DST: variants seen among roughly 807,000 people sequenced by gnomAD.
DST encodes dystonin.
DST carries 253 observed loss-of-function variants against 875.2 expected under a neutral mutation model. The observed-to-expected ratio is 0.29, with a 90% confidence interval of 0.26 to 0.32. The LOEUF is 0.32. Ranked by LOEUF, DST falls within the 10% of genes least tolerant of loss-of-function variation. The probability of loss-of-function intolerance (pLI) is 1.00; values close to 1 mark genes in which losing one functional copy is unlikely to be tolerated. For synonymous variants in DST, 3,124 were observed against 3,197.1 expected, an observed-to-expected ratio of 0.98 and a Z score of 0.77; for missense variants, 8,287 against 9,111.6, an observed-to-expected ratio of 0.91 and a Z score of 3.68.
chr6:56,929,596 AT>A (rs201256943), intron 2 of DST, among the ~76,000 whole-genome samples: 1,783 of 152,268 alleles, frequency 0.012, 34 homozygotes, highest in East Asian at 0.039. Context: ...AAAAACAAGA[AT>A]GAGATAAAGA....
chr6:56,566,894 G>T lies in DST; in HGVS notation c.14005+1575C>A, dbSNP rs978985261. On this transcript the variant is annotated intron_variant, in intron 55 of 103. Transcript: ENST00000680361. ...TTGAAAGTGAAAAAGAAAATAAATC[G>T]ATTATTAAACTCATATTACGTCAAC... 1.3e-4 allele frequency among the ~76,000 whole-genome samples: 20 copies of T among 152,062 alleles called. 1 individual carries two copies. The highest frequency in any genetic ancestry group is 8.8e-5 in the Non-Finnish European group (6 of 68,012).
chr6:56,576,325 G>A (rs1157332242), intron 50 of DST, among the ~76,000 whole-genome samples: 1 of 152,124 alleles, frequency 6.6e-6, no homozygotes, highest in Non-Finnish European at 1.5e-5. Flanking sequence ...TCTGAGTTCT[G>A]TGAGTCACTC....
In DST at chr6:56,459,108, G is replaced by T. The variant is rs780600756; in HGVS notation, c.23354C>A (p.Thr7785Lys). ...GGATGGCCGAGAACCTGCTCGGGGT[G>T]TAGGTCTGTGTGTCTGGGGGACAGT... The part of the protein sequence containing the change: ...VETVPQTHRP[T>K]PRAGSRPSTA... The change falls in exon 104 of 104, where the codon ACA becomes AAA. Residue 7785 changes from threonine to lysine, a missense_variant. Transcript: ENST00000680361. The T allele has an allele frequency of 3.1e-6, 5 of 1,614,030 alleles. No homozygotes were observed. The highest frequency in any genetic ancestry group is 4.2e-6 in the Non-Finnish European group (5 of 1,179,900).
intron 49 of DST, among the ~76,000 whole-genome samples, chr6:56,591,900 T>C (rs566396931): frequency 1.1e-3 from 151 of 143,224 alleles, no homozygotes; most frequent in Admixed American, 2.4e-3. Context: ...GAGAATCACT[T>C]GAACCCAGGA....
At chr6:56,756,116 G>A (rs1330538142) in intron 4 of DST, among the ~76,000 whole-genome samples, 2 of 152,208 alleles carry the variant, frequency 1.3e-5, no homozygotes, top group African/African-American at 4.8e-5. Flanking sequence ...AGGAGGAGGT[G>A]CATTCAGTGA....
intron 68 of DST, 72 bp downstream of exon 68, chr6:56,527,421 A>G (rs2096823157): frequency 1.3e-6 from 2 of 1,515,312 alleles, no homozygotes; most frequent in South Asian, 1.3e-5. Flanking sequence ...GACAAATATA[A>G]TTTTATTTTT....
intron 4 of DST, among the ~76,000 whole-genome samples, chr6:56,836,712 G>C (rs1318885080): frequency 1.3e-5 from 2 of 151,342 alleles, no homozygotes; most frequent in Non-Finnish European, 3.0e-5. Flanking sequence ...TTAGCCGGGC[G>C]TGATGGCGGG....
At chr6:56,545,015 C>T (rs532604905) in intron 61 of DST, among the ~76,000 whole-genome samples, 1 of 152,136 alleles carries the variant, frequency 6.6e-6, no homozygotes, top group Admixed American at 6.5e-5. Flanking sequence ...AGATCCATCA[C>T]ATTTTCTTTT....
At chr6:56,699,864 C>A in intron 8 of DST, 119 bp from the exon 9 acceptor site, 1 of 533,852 alleles carries the variant, frequency 1.9e-6, no homozygotes, top group Non-Finnish European at 3.2e-6. Context: ...AATTTAAACA[C>A]CAGTAGTCAA....
intron 4 of DST, among the ~76,000 whole-genome samples, chr6:56,737,835 T>G (rs2099531257): frequency 6.6e-6 from 1 of 152,340 alleles, no homozygotes; most frequent in Middle Eastern, 3.4e-3. Context: ...ATTCTGAAGT[T>G]ATAATCATAT....
intron 9 of DST, among the ~76,000 whole-genome samples, chr6:56,694,997 C>A (rs780531764): frequency 6.6e-6 from 1 of 151,844 alleles, no homozygotes; most frequent in Non-Finnish European, 1.5e-5. Flanking sequence ...TGTGGTGATG[C>A]GTGCCCATAA....
intron 4 of DST, among the ~76,000 whole-genome samples, chr6:56,808,197 C>T (rs1391879362): frequency 6.6e-6 from 1 of 152,006 alleles, no homozygotes; most frequent in Non-Finnish European, 1.5e-5. Context: ...CTACCCAAGC[C>T]CTAACAAAGT....
At chr6:56,757,550 T>G (rs573213967) in intron 4 of DST, among the ~76,000 whole-genome samples, 1 of 152,174 alleles carries the variant, frequency 6.6e-6, no homozygotes, top group African/African-American at 2.4e-5. Context: ...TGGGGACACA[T>G]GGTAGCCTGG....
At chr6:56,849,278 A>G (rs1763755170) in intron 4 of DST, among the ~76,000 whole-genome samples, 1 of 151,698 alleles carries the variant, frequency 6.6e-6, no homozygotes, top group African/African-American at 2.4e-5. Context: ...CTGGGACTAC[A>G]GGCACACGCC....
chr6:56,939,763 G>A lies in DST; in HGVS notation c.216+14022C>T, dbSNP rs550456321. Among the ~76,000 whole-genome samples the A allele has an allele frequency of 4.6e-5, 7 of 152,020 alleles. No homozygotes were observed. In the East Asian group the frequency reaches 1.2e-3, roughly 25 times the overall value. On this transcript the variant is annotated intron_variant, in intron 2 of 103. Transcript: ENST00000680361. ...TAAGCAGCCGGGCGTGGTGGCTCAC[G>A]CCTGTAATCCCAGCACTTTGGGAGG...
intron 4 of DST, among the ~76,000 whole-genome samples, chr6:56,800,122 G>A (rs1042082734): frequency 3.9e-5 from 6 of 152,092 alleles, no homozygotes; most frequent in African/African-American, 1.4e-4. Context: ...TCCAAGATAT[G>A]CCTGTAACCA....
At chr6:56,519,017 C>A (rs903868489) in intron 69 of DST, among the ~76,000 whole-genome samples, 1 of 152,082 alleles carries the variant, frequency 6.6e-6, no homozygotes, top group African/African-American at 2.4e-5. Context: ...CTACAAATCC[C>A]AGGCATTATA....
At chr6:56,887,299 T>C (rs1785086955) in intron 3 of DST, among the ~76,000 whole-genome samples, 1 of 152,184 alleles carries the variant, frequency 6.6e-6, no homozygotes. Flanking sequence ...CTTCATCCTC[T>C]CCACAGAGGA....
chr6:56,658,532 C>T lies in DST; in HGVS notation c.1215-7288G>A, dbSNP rs192989976. Among the ~76,000 whole-genome samples, 182 of 152,232 alleles carry T rather than the reference C, an allele frequency of 1.2e-3. 2 individuals carry two copies. The highest frequency in any genetic ancestry group is 1.5e-3 in the Non-Finnish European group (101 of 68,018). On this transcript the variant is annotated intron_variant, in intron 10 of 103. Transcript: ENST00000680361. Reference sequence around the variant, plus strand: ...TTTACCCAAGATCTCAAGAGATTTACGTGAAAGTAGTTGTGAAACTTAGTA... The same window carrying T: ...TTTACCCAAGATCTCAAGAGATTTATGTGAAAGTAGTTGTGAAACTTAGTA...
Sources: gnomAD v4.1 joint callset for allele counts (sites outside exome capture counted in the v4.1 genomes callset) on GRCh38, gnomAD v4.1.1 for gene constraint, MANE v1.5 for transcripts, NCBI Gene and HGNC (gene_info 2026-07-23, HGNC 2026-07-21) for gene names.